The following HIKESHI variants were observed in gnomAD, a reference collection of about 807,000 sequenced individuals.
The protein encoded by HIKESHI is protein Hikeshi.
In HIKESHI, 13 loss-of-function variants were observed where a neutral mutation model predicts 25.7. The observed-to-expected ratio is 0.51, with a 90% CI of 0.33 to 0.80. The LOEUF (loss-of-function observed/expected upper bound fraction) is 0.80. HIKESHI is among the 30% of genes least tolerant of loss of function. The probability of loss-of-function intolerance (pLI) is 0.02; values close to 1 mark genes in which losing one functional copy is unlikely to be tolerated. For missense variants in HIKESHI, 174 were observed against 229.5 expected (o/e 0.76, Z 1.56); for synonymous variants, 76 against 78.7 (o/e 0.97, Z 0.18).
intron 2 of HIKESHI, 116 bp from the exon 3 acceptor site, chr11:86,337,263 C>A: frequency 1.1e-6 from 1 of 938,546 alleles, no homozygotes; most frequent in Non-Finnish European, 1.6e-6. Context: ...GAGGGACAAA[C>A]TTGGACATAA....
chr11:86,314,530 G>A (rs7927219), intron 2 of HIKESHI, among the ~76,000 whole-genome samples: 4,927 of 152,128 alleles, frequency 0.032, 255 homozygotes, highest in African/African-American at 0.11. Context: ...CATGAGAATC[G>A]CTTGAACCCA....
intron 2 of HIKESHI, among the ~76,000 whole-genome samples, chr11:86,312,652 A>G (rs1946863910): frequency 6.6e-6 from 1 of 152,178 alleles, no homozygotes; most frequent in African/African-American, 2.4e-5. Context: ...TCTTCCTAGC[A>G]TTAATGGTCT....
intron 2 of HIKESHI, among the ~76,000 whole-genome samples, chr11:86,312,238 G>A (rs1230394386): frequency 6.6e-6 from 1 of 152,124 alleles, no homozygotes. Flanking sequence ...ATGAATCTGG[G>A]TGCCCCTGTA....
rs1218981419 is a variant in HIKESHI, at chr11:86,319,242, A to ATTTTTTTTT, written c.268+12766_268+12774dup. Reference sequence around the variant, plus strand: ...AATATATATATATATATATATATATATTTTTTTTTTTTTTGAGACCAGTCT... The same window carrying ATTTTTTTTT: ...AATATATATATATATATATATATATATTTTTTTTTTTTTTTTTTTTTTTGAGACCAGTCT... On this transcript the variant is annotated intron_variant, in intron 2 of 4. Coordinates refer to ENST00000278483, the MANE Select transcript of HIKESHI (RefSeq NM_016401.4). Among the ~76,000 whole-genome samples, 489 of 94,894 alleles carry ATTTTTTTTT rather than the reference A, an allele frequency of 5.2e-3. 28 individuals carry two copies. In the Admixed American group the frequency reaches 0.054, roughly 11 times the overall value. 62.3% of individuals were successfully genotyped at this position (94,894 alleles called of 152,430 possible). A position where few individuals can be genotyped will look rare whatever the true frequency, so the allele number is the denominator to read the frequency against.
chr11:86,334,694 A>G (rs1322549478), intron 2 of HIKESHI, among the ~76,000 whole-genome samples: 1 of 152,204 alleles, frequency 6.6e-6, no homozygotes, highest in African/African-American at 2.4e-5. Flanking sequence ...CATAAAAGCA[A>G]CAACAACACT....
intron 2 of HIKESHI, among the ~76,000 whole-genome samples, chr11:86,329,792 A>G (rs1024166648): frequency 1.3e-5 from 2 of 152,104 alleles, no homozygotes; most frequent in African/African-American, 4.8e-5. Flanking sequence ...AGTCTGCTTC[A>G]TCTAACATTT....
At chr11:86,321,607 G>A (rs1947148529) in intron 2 of HIKESHI, among the ~76,000 whole-genome samples, 1 of 151,712 alleles carries the variant, frequency 6.6e-6, no homozygotes, top group Non-Finnish European at 1.5e-5. Flanking sequence ...TCGACTCACT[G>A]CAACCTCTGC....
At chr11:86,328,265 CTT>C (rs897214732) in intron 2 of HIKESHI, among the ~76,000 whole-genome samples, 2 of 145,710 alleles carry the variant, frequency 1.4e-5, no homozygotes, top group Admixed American at 6.9e-5. Flanking sequence ...CATTTCTTTT[CTT>C]TTTTTTTTTG....
intron 2 of HIKESHI, among the ~76,000 whole-genome samples, chr11:86,322,637 G>T (rs748017503): frequency 4.6e-5 from 7 of 152,050 alleles, no homozygotes; most frequent in African/African-American, 1.7e-4. Flanking sequence ...TAATTTTTCA[G>T]TTTGTTCTTT....
chr11:86,330,576 T>G (rs1214610554), intron 2 of HIKESHI, among the ~76,000 whole-genome samples: 1 of 152,166 alleles, frequency 6.6e-6, no homozygotes, highest in Non-Finnish European at 1.5e-5. Context: ...TTTGATTTAA[T>G]CTGGTCCAGA....
At chr11:86,311,197 T>C (rs1478920606) in intron 2 of HIKESHI, among the ~76,000 whole-genome samples, 1 of 152,188 alleles carries the variant, frequency 6.6e-6, no homozygotes, top group Non-Finnish European at 1.5e-5. Context: ...TCCTGGACTT[T>C]TTTTGCTTGG....
chr11:86,342,439 A>G (rs556685521), intron 3 of HIKESHI, among the ~76,000 whole-genome samples: 1 of 151,620 alleles, frequency 6.6e-6, no homozygotes, highest in South Asian at 2.1e-4. Context: ...TGTTTGAGAA[A>G]TCCTTCTCTG....
intron 2 of HIKESHI, among the ~76,000 whole-genome samples, chr11:86,317,367 G>GTATT (rs1947015532): frequency 6.6e-6 from 1 of 151,924 alleles, no homozygotes; most frequent in Non-Finnish European, 1.5e-5. Flanking sequence ...AATGATCTAA[G>GTATT]TATTTAACAT....
At chr11:86,340,757 G>A (rs540319217) in intron 3 of HIKESHI, among the ~76,000 whole-genome samples, 4 of 152,248 alleles carry the variant, frequency 2.6e-5, no homozygotes, top group African/African-American at 9.6e-5. Context: ...CAATTCTCCT[G>A]TCTCAGCCTC....
At chr11:86,339,336 C>T (rs1242775483) in intron 3 of HIKESHI, among the ~76,000 whole-genome samples, 1 of 152,188 alleles carries the variant, frequency 6.6e-6, no homozygotes, top group African/African-American at 2.4e-5. Context: ...GCGTGAGCCA[C>T]CGCGCCCAGC....
At chr11:86,317,971 T>C (rs1170819609) in intron 2 of HIKESHI, among the ~76,000 whole-genome samples, 2 of 152,000 alleles carry the variant, frequency 1.3e-5, no homozygotes, top group African/African-American at 4.8e-5. Flanking sequence ...TAGAAGAATA[T>C]ACCAAACAAA....
At chr11:86,311,736 T>G (rs1266076304) in intron 2 of HIKESHI, among the ~76,000 whole-genome samples, 1 of 152,224 alleles carries the variant, frequency 6.6e-6, no homozygotes, top group East Asian at 1.9e-4. Flanking sequence ...TTTGAATGTG[T>G]CCCAGAGTTT....
intron 2 of HIKESHI, among the ~76,000 whole-genome samples, chr11:86,329,146 A>T (rs1434046562): frequency 6.6e-6 from 1 of 151,838 alleles, no homozygotes; most frequent in Non-Finnish European, 1.5e-5. Context: ...TGGGAAAAGA[A>T]GATGAGATTT....
intron 2 of HIKESHI, among the ~76,000 whole-genome samples, chr11:86,325,132 C>T (rs970959019): frequency 1.3e-5 from 2 of 151,484 alleles, no homozygotes; most frequent in African/African-American, 2.4e-5. Flanking sequence ...GAGCCAAGAT[C>T]GCACCACTCT....
Sources: allele counts gnomAD v4.1 joint callset (sites outside exome capture counted in the v4.1 genomes callset), GRCh38; gene constraint gnomAD v4.1.1; transcripts MANE v1.5; gene names NCBI Gene and HGNC (gene_info 2026-07-23, HGNC 2026-07-21).